Variants in SOX5 observed in about 807,000 individuals in gnomAD.
SOX5 encodes the protein SRY-box transcription factor 5.
In SOX5, 9 loss-of-function variants were observed where a neutral mutation model predicts 92.0. The observed-to-expected ratio is 0.10, with a 90% confidence interval of 0.06 to 0.17. The LOEUF (loss-of-function observed/expected upper bound fraction) is 0.17. Ranked by LOEUF, SOX5 falls within the 10% of genes least tolerant of loss-of-function variation. The pLI, the probability that SOX5 is intolerant of heterozygous loss-of-function variation, is 1.00. For synonymous variants in SOX5, 344 were observed against 336.3 expected (o/e 1.02, Z -0.25); for missense variants, 642 against 944.5 (o/e 0.68, Z 4.20).
intron 4 of SOX5, among the ~76,000 whole-genome samples, chr12:24,071,624 C>T (rs533761107): frequency 9.5e-4 from 144 of 152,074 alleles, no homozygotes; most frequent in African/African-American, 3.3e-3. Context: ...TTAGTAGAGA[C>T]GGGGTTTTAC....
At chr12:23,589,226 C>A (rs1285608096) in intron 9 of SOX5, among the ~76,000 whole-genome samples, 1 of 151,614 alleles carries the variant, frequency 6.6e-6, no homozygotes, top group African/African-American at 2.4e-5. Flanking sequence ...AGAAAAATAA[C>A]CTTACAAAAT....
chr12:23,863,303 G>GA (rs1237871106), intron 2 of SOX5, among the ~76,000 whole-genome samples: 3 of 152,052 alleles, frequency 2.0e-5, no homozygotes, highest in African/African-American at 7.2e-5. Flanking sequence ...ATATATTCTG[G>GA]AAAAAAATTA....
intron 6 of SOX5, among the ~76,000 whole-genome samples, chr12:23,693,513 C>A (rs2089267953): frequency 6.6e-6 from 1 of 152,052 alleles, no homozygotes; most frequent in African/African-American, 2.4e-5. Flanking sequence ...TTGTTTCTAC[C>A]CACTTACTTT....
chr12:24,259,148 CT>C (rs1220002253), intron 3 of SOX5, among the ~76,000 whole-genome samples: 2 of 152,076 alleles, frequency 1.3e-5, no homozygotes, highest in African/African-American at 4.8e-5. Context: ...TGCTGAACAT[CT>C]TAGGAACTTG....
At chr12:24,542,057 T>A (rs1238343343) in intron 1 of SOX5, among the ~76,000 whole-genome samples, 1 of 152,210 alleles carries the variant, frequency 6.6e-6, no homozygotes, top group Non-Finnish European at 1.5e-5. Context: ...TAATTTTGAA[T>A]CTTTTAATTA....
intron 4 of SOX5, among the ~76,000 whole-genome samples, chr12:24,106,791 AAATAAT>A (rs56341402): frequency 0.14 from 19,646 of 137,272 alleles, 1,598 homozygotes; most frequent in Middle Eastern, 0.21. Flanking sequence ...GACTCGTCTC[AAATAAT>A]AATAATAATA....
chr12:23,702,906 A>T (rs2090866078), intron 6 of SOX5, among the ~76,000 whole-genome samples: 1 of 152,066 alleles, frequency 6.6e-6, no homozygotes, highest in Non-Finnish European at 1.5e-5. Context: ...AGCTTATAGA[A>T]TTTCTCACAG....
At chr12:24,303,332 G>A (rs1215248367) in intron 2 of SOX5, among the ~76,000 whole-genome samples, 1 of 152,104 alleles carries the variant, frequency 6.6e-6, no homozygotes, top group South Asian at 2.1e-4. Flanking sequence ...ACAGAGTATA[G>A]GGGACAAAAC....
At chr12:23,901,113 T>C (rs1056661964) in intron 1 of SOX5, among the ~76,000 whole-genome samples, 3 of 152,196 alleles carry the variant, frequency 2.0e-5, no homozygotes, top group Admixed American at 1.3e-4. Flanking sequence ...ATTCTGAATA[T>C]TGTTGGTGGG....
chr12:24,104,217 A>G (rs1425423269), intron 4 of SOX5, among the ~76,000 whole-genome samples: 1 of 152,236 alleles, frequency 6.6e-6, no homozygotes, highest in Admixed American at 6.5e-5. Flanking sequence ...GTTGAGATAC[A>G]TAGAAATTAG....
Position 23,603,445 on chromosome 12 carries a change from AATAT to A in SOX5, c.1164+938_1164+941del, listed in dbSNP as rs72370535. On this transcript the variant is annotated intron_variant, in intron 9 of 14. Transcript: ENST00000451604. ...TTCAGCAAAATAAATATATATATAA[AATAT>A]ATATATATATATATATATTTTGCTG... is the stretch of plus-strand genomic sequence containing the variant. Among the ~76,000 whole-genome samples, 725 of 124,820 alleles carry A rather than the reference AATAT, an allele frequency of 5.8e-3. 10 individuals carry two copies. The highest frequency in any genetic ancestry group is 0.012 in the African/African-American group (449 of 38,394). The allele number at this position is 124,820 out of a possible 152,430, so 81.9% of individuals were successfully genotyped here. A position where few individuals can be genotyped will look rare whatever the true frequency, so the allele number is the denominator to read the frequency against.
intron 1 of SOX5, among the ~76,000 whole-genome samples, chr12:24,504,637 C>G (rs370227576): frequency 6.6e-6 from 1 of 152,272 alleles, no homozygotes. Flanking sequence ...TAGTAGAGAA[C>G]TATATAAATA....
At chr12:23,798,004 C>T (rs2095595963) in intron 3 of SOX5, among the ~76,000 whole-genome samples, 1 of 151,302 alleles carries the variant, frequency 6.6e-6, no homozygotes, top group African/African-American at 2.4e-5. Context: ...TGATTCATTC[C>T]CTCAACTCCT....
At chr12:23,553,699 GA>G (rs1944634124) in intron 11 of SOX5, among the ~76,000 whole-genome samples, 1 of 152,044 alleles carries the variant, frequency 6.6e-6, no homozygotes, top group African/African-American at 2.4e-5. Flanking sequence ...AGAAAATCAG[GA>G]GGCCAACTAA....
At chr12:23,939,787 C>G (rs1050040673) in intron 1 of SOX5, among the ~76,000 whole-genome samples, 1 of 150,946 alleles carries the variant, frequency 6.6e-6, no homozygotes, top group Non-Finnish European at 1.5e-5. Flanking sequence ...GCTCTACTCC[C>G]TTGCTTTGCA....
intron 3 of SOX5, among the ~76,000 whole-genome samples, chr12:23,785,749 ACAAACACT>A (rs1216370400): frequency 6.6e-6 from 1 of 152,150 alleles, no homozygotes; most frequent in African/African-American, 2.4e-5. Flanking sequence ...ACACAAACAC[ACAAACACT>A]ACTAAAATGC....
chr12:24,499,436 C>A (rs1026557928), intron 1 of SOX5, among the ~76,000 whole-genome samples: 2 of 152,114 alleles, frequency 1.3e-5, no homozygotes, highest in African/African-American at 4.8e-5. Flanking sequence ...CTATGCGCAC[C>A]GCAAGGAAAG....
intron 7 of SOX5, among the ~76,000 whole-genome samples, chr12:23,643,079 T>C (rs1592872478): frequency 1.0e-5 from 1 of 95,910 alleles, no homozygotes. Flanking sequence ...AGAGCGAGAC[T>C]CCGTCTCAAA....
intron 4 of SOX5, among the ~76,000 whole-genome samples, chr12:23,975,445 G>A (rs1024307483): frequency 6.6e-6 from 1 of 151,982 alleles, no homozygotes; most frequent in African/African-American, 2.4e-5. Flanking sequence ...TCTTTCTTCA[G>A]TCATTTATGT....
Sources: gnomAD v4.1 joint callset for allele counts (sites outside exome capture counted in the v4.1 genomes callset) on GRCh38, gnomAD v4.1.1 for gene constraint, MANE v1.5 for transcripts, NCBI Gene and HGNC (gene_info 2026-07-23, HGNC 2026-07-21) for gene names.